The following SHC3 variants were observed in gnomAD, a reference collection of about 807,000 sequenced individuals.
SHC3 encodes SHC-transforming protein 3.
In SHC3, 15 loss-of-function variants were observed where a neutral mutation model predicts 60.4. The ratio of observed to expected loss-of-function variants is 0.25; its 90% CI spans 0.17 to 0.38. The LOEUF is 0.38. SHC3 is among the 10% of genes least tolerant of loss of function. The probability of loss-of-function intolerance (pLI) is 1.00; values close to 1 mark genes in which losing one functional copy is unlikely to be tolerated. For synonymous variants in SHC3, 294 were observed against 325.9 expected (o/e 0.90, Z 1.05); for missense variants, 677 against 786.1 (o/e 0.86, Z 1.66).
intron 7 of SHC3, 118 bp from the exon 8 acceptor site, chr9:89,047,112 C>G (rs1824787981): frequency 2.0e-6 from 2 of 1,008,522 alleles, no homozygotes; most frequent in Non-Finnish European, 2.7e-6. Flanking sequence ...GCCTCCTCAG[C>G]CATCCAGGTC....
intron 1 of SHC3, among the ~76,000 whole-genome samples, chr9:89,116,427 A>AACC (rs750158645): frequency 2.4e-4 from 36 of 152,124 alleles, no homozygotes; most frequent in Middle Eastern, 6.8e-3. Context: ...ACGTGAATAC[A>AACC]ACCACCACCA....
intron 6 of SHC3, among the ~76,000 whole-genome samples, chr9:89,063,904 A>T (rs973728771): frequency 6.6e-6 from 1 of 152,236 alleles, no homozygotes; most frequent in African/African-American, 2.4e-5. Flanking sequence ...ATCAGCTGGG[A>T]CTGCTGTAAC....
intron 1 of SHC3, among the ~76,000 whole-genome samples, chr9:89,154,541 A>C (rs778031593): frequency 4.6e-5 from 7 of 152,214 alleles, no homozygotes; most frequent in Non-Finnish European, 7.3e-5. Context: ...GGCTTTTCTC[A>C]GTTTCCATAC....
chr9:89,054,819 C>T (rs1042688996), intron 6 of SHC3, among the ~76,000 whole-genome samples: 7 of 152,212 alleles, frequency 4.6e-5, no homozygotes, highest in African/African-American at 1.4e-4. Flanking sequence ...TGGGGAAACT[C>T]GTACCAACAG....
At chr9:89,058,030 G>A (rs1016950238) in intron 6 of SHC3, among the ~76,000 whole-genome samples, 1 of 152,238 alleles carries the variant, frequency 6.6e-6, no homozygotes, top group Admixed American at 6.5e-5. Flanking sequence ...CAAGAAGCTG[G>A]AAGGAGTCTC....
chr9:89,129,268 AATCTACCTCT>A (rs948363875), intron 1 of SHC3, among the ~76,000 whole-genome samples: 1 of 152,196 alleles, frequency 6.6e-6, no homozygotes, highest in Non-Finnish European at 1.5e-5. Flanking sequence ...GAAAAGACCA[AATCTACCTCT>A]GATTGGTGTA....
chr9:89,074,231 C>T (rs78217814), intron 4 of SHC3, among the ~76,000 whole-genome samples: 5 of 152,150 alleles, frequency 3.3e-5, no homozygotes, highest in South Asian at 2.1e-4. Context: ...AAGGTCACTG[C>T]GGGCATCCCT....
At position 89,037,532 on chromosome 9, in the gene SHC3, C is replaced by G. The variant is rs565066668; in HGVS notation, c.1656+461G>C. On this transcript the variant is annotated intron_variant, in intron 11 of 11. Transcript: ENST00000375835. The stretch of plus-strand genomic sequence containing the variant: ...CATCAGTAGGAGTTACTTCTCTAAA[C>G]GGGAAAACAAGAGACTTAGCAATGG... 6.0e-4 allele frequency: 429 copies of G among 717,108 alleles called. No homozygotes were observed. The African/African-American group carries it at 6.7e-3, about 11-fold the overall frequency. 44.4% of individuals were successfully genotyped at this position (717,108 alleles called of 1,614,324 possible). A position where few individuals can be genotyped will look rare whatever the true frequency, so the allele number is the denominator to read the frequency against.
intron 2 of SHC3, among the ~76,000 whole-genome samples, chr9:89,089,636 AGAG>A (rs1250401096): frequency 6.6e-6 from 1 of 152,254 alleles, no homozygotes; most frequent in Non-Finnish European, 1.5e-5. Context: ...AAATAAACTC[AGAG>A]GAGGGTCTTA....
Position 89,133,249 on chromosome 9 carries a change from A to T in SHC3, c.475-20623T>A, listed in dbSNP as rs190796709. Among the ~76,000 whole-genome samples the T allele has an allele frequency of 3.2e-3, 487 of 152,332 alleles. 2 individuals carry two copies. Among genetic ancestry groups the T allele is most frequent in the African/African-American group, 0.011 (454 of 41,572 alleles). ...CCAGTTAGAATGGCGATCATTAAAA[A>T]GTCAGGAAACAACAGGTGCTAGAGA... is the stretch of plus-strand genomic sequence containing the variant. On this transcript the variant is annotated intron_variant, in intron 1 of 11. Transcript: ENST00000375835.
chr9:89,043,360 C>T (rs75327581), intron 9 of SHC3, among the ~76,000 whole-genome samples: 2,983 of 152,334 alleles, frequency 0.02, 80 homozygotes, highest in African/African-American at 0.069. Context: ...AGTCAGATTA[C>T]GCATCCTTGC....
rs768658992 is a variant in SHC3, at chr9:89,038,268, T to G, written c.1381A>C (p.Lys461Gln). ...FDMKPFEDAL[K>Q]NQPLGPVLSK... is the part of the protein sequence containing the mutation. ...AACACGGGCCCCAAGGGCTGGTTCT[T>G]GAGAGCATCTTCAAAAGGTTCTGTC... The change falls in exon 11 of 12, where the codon AAG becomes CAG. Residue 461 changes from lysine (K) to glutamine (Q), a missense_variant. Lys to Gln is a moderately conservative substitution (Grantham distance 53). Transcript: ENST00000375835. 6.2e-7 allele frequency: 1 copy of G among 1,612,722 alleles called. No homozygotes were observed. Among genetic ancestry groups the G allele is most frequent in the Non-Finnish European group, 8.5e-7 (1 of 1,179,290 alleles).
intron 10 of SHC3, 131 bp downstream of exon 10, chr9:89,041,895 G>C (rs1269389674): frequency 8.6e-7 from 1 of 1,159,122 alleles, no homozygotes; most frequent in Non-Finnish European, 1.2e-6. Context: ...ACCCAGAAAA[G>C]TACAGCTAAT....
intron 3 of SHC3, among the ~76,000 whole-genome samples, chr9:89,076,304 C>T (rs943549633): frequency 2.6e-5 from 4 of 152,154 alleles, no homozygotes; most frequent in Admixed American, 6.5e-5. Context: ...CTTCCGAAAC[C>T]CAGCTGCCCT....
chr9:89,021,061 G>A (rs987238606), intron 11 of SHC3, among the ~76,000 whole-genome samples: 6 of 152,158 alleles, frequency 3.9e-5, no homozygotes, highest in Admixed American at 6.5e-5. Flanking sequence ...GAGCTTCAGC[G>A]CCCACACAGG....
At chr9:89,023,035 A>C (rs1826231399) in intron 11 of SHC3, among the ~76,000 whole-genome samples, 1 of 152,186 alleles carries the variant, frequency 6.6e-6, no homozygotes, top group South Asian at 2.1e-4. Flanking sequence ...TTTTCCAGGC[A>C]TGTGATGGGT....
chr9:89,136,557 C>T (rs1826322429), intron 1 of SHC3, among the ~76,000 whole-genome samples: 1 of 152,050 alleles, frequency 6.6e-6, no homozygotes, highest in Non-Finnish European at 1.5e-5. Context: ...AAGGAATGCT[C>T]AGTTCCTGGA....
chr9:89,119,495 GA>G (rs556348278), intron 1 of SHC3, among the ~76,000 whole-genome samples: 65 of 151,990 alleles, frequency 4.3e-4, no homozygotes, highest in African/African-American at 1.5e-3. Flanking sequence ...GCTAGCAAAA[GA>G]AAACAGGGGT....
At chr9:89,027,094 C>T (rs1826323051) in intron 11 of SHC3, among the ~76,000 whole-genome samples, 1 of 152,200 alleles carries the variant, frequency 6.6e-6, no homozygotes, top group Non-Finnish European at 1.5e-5. Flanking sequence ...GTCAGGATTT[C>T]TTCAGAGCCT....
Sources: gnomAD v4.1 joint callset for allele counts (sites outside exome capture counted in the v4.1 genomes callset) on GRCh38, gnomAD v4.1.1 for gene constraint, MANE v1.5 for transcripts, NCBI Gene and HGNC (gene_info 2026-07-23, HGNC 2026-07-21) for gene names.